The following LPP variants were observed in gnomAD, a reference collection of about 807,000 sequenced individuals.
LPP encodes lipoma-preferred partner.
A neutral mutation model predicts 60.4 loss-of-function variants in LPP; 38 were observed. The observed-to-expected ratio is 0.63, with a 90% CI of 0.49 to 0.83. The LOEUF is 0.83. LPP is among the 40% of genes least tolerant of loss of function. The pLI is 0.00. For missense variants in LPP, 902 were observed against 783.6 expected, an observed-to-expected ratio of 1.15 and a Z score of -1.80; for synonymous variants, 328 against 290.8, an observed-to-expected ratio of 1.13 and a Z score of -1.30.
intron 7 of LPP, among the ~76,000 whole-genome samples, chr3:188,652,780 A>G (rs1852361018): frequency 1.3e-5 from 2 of 152,126 alleles, no homozygotes; most frequent in African/African-American, 4.8e-5. Context: ...GAAAAGAGGT[A>G]TCCCAAGTCC....
intron 8 of LPP, among the ~76,000 whole-genome samples, chr3:188,752,118 T>A (rs2150332580): frequency 6.6e-6 from 1 of 152,342 alleles, no homozygotes; most frequent in African/African-American, 2.4e-5. Context: ...GTAGGTCTCA[T>A]GCTGGACACC....
chr3:188,735,016 A>C (rs191824663), intron 8 of LPP, among the ~76,000 whole-genome samples: 5 of 152,322 alleles, frequency 3.3e-5, no homozygotes, highest in Admixed American at 3.3e-4. Flanking sequence ...TGGAGTATTC[A>C]CGTCGTTGTT....
Position 188,485,982 on chromosome 3 carries a change from A to C in LPP, c.306+1278A>C, listed in dbSNP as rs370265831. Among the ~76,000 whole-genome samples the C allele has an allele frequency of 2.0e-5, 3 of 152,196 alleles. No homozygotes were observed. The East Asian group carries it at 5.8e-4, about 29-fold the overall frequency. ...AAATACCTAATATCATTTGTGGAAC[A>C]TAAAATATATTGAATTATTGCTCAT... On this transcript the variant is annotated intron_variant, in intron 5 of 11. Coordinates refer to ENST00000617246, the MANE Select transcript of LPP (RefSeq NM_001375462.1).
chr3:188,502,934 G>GT (rs749121831), intron 5 of LPP, among the ~76,000 whole-genome samples: 2 of 151,978 alleles, frequency 1.3e-5, no homozygotes, highest in African/African-American at 2.4e-5. Flanking sequence ...TAATGAATGT[G>GT]TATCACTTTT....
rs1319936162 is a variant in LPP at position 188,217,455 on chromosome 3, G to A, written c.-189-7950G>A. On this transcript the variant is annotated intron_variant, in intron 1 of 11. Transcript: ENST00000617246. This position sits in a 1 kb window ranked among gnomAD's most constrained non-coding sequence, Gnocchi z 4.0. The stretch of plus-strand genomic sequence containing the variant: ...TTAGACCTGAGTCCAGATGTGATGG[G>A]TTATGTGTTACAGGCATCTTTCCAG... 6.6e-6 allele frequency among the ~76,000 whole-genome samples: 1 copy of A among 152,162 alleles called. No individual in the cohort carries two copies. Among genetic ancestry groups the A allele is most frequent in the Non-Finnish European group, 1.5e-5 (1 of 68,040 alleles).
At chr3:188,200,359 C>T (rs943881349) in intron 1 of LPP, among the ~76,000 whole-genome samples, 1 of 151,782 alleles carries the variant, frequency 6.6e-6, no homozygotes, top group African/African-American at 2.4e-5. Context: ...AAGAGATTCT[C>T]CTGTCTCAGC....
intron 4 of LPP, among the ~76,000 whole-genome samples, chr3:188,464,040 A>C (rs1230362898): frequency 6.6e-6 from 1 of 152,218 alleles, no homozygotes; most frequent in Non-Finnish European, 1.5e-5. Flanking sequence ...TTTTGAAAGA[A>C]AGTAAAACCT....
At chr3:188,723,824 A>G (rs1407907562) in intron 8 of LPP, among the ~76,000 whole-genome samples, 1 of 151,960 alleles carries the variant, frequency 6.6e-6, no homozygotes, top group Non-Finnish European at 1.5e-5. Flanking sequence ...TTGATTCATA[A>G]CTCTTATGAT....
intron 6 of LPP, among the ~76,000 whole-genome samples, chr3:188,599,751 G>GGGGTGTGTGTGTGTGT (rs374294307): frequency 1.4e-4 from 19 of 139,822 alleles, no homozygotes; most frequent in South Asian, 9.5e-4. Context: ...ACTCGTTAGG[G>GGGGTGTGTGTGTGTGT]GTGTGTGTGT....
intron 2 of LPP, among the ~76,000 whole-genome samples, chr3:188,280,168 A>T (rs1741414851): frequency 6.6e-6 from 1 of 152,086 alleles, no homozygotes. Flanking sequence ...TGGGCTCTGG[A>T]AGAGGGAGTC....
intron 8 of LPP, among the ~76,000 whole-genome samples, chr3:188,722,619 T>C (rs1316420920): frequency 6.6e-6 from 1 of 152,218 alleles, no homozygotes; most frequent in Non-Finnish European, 1.5e-5. Context: ...AGAACTAACA[T>C]ATCCATGGAC....
At chr3:188,819,771 G>A (rs1753469303) in intron 9 of LPP, among the ~76,000 whole-genome samples, 1 of 152,150 alleles carries the variant, frequency 6.6e-6, no homozygotes, top group African/African-American at 2.4e-5. Context: ...AAGGAACTAA[G>A]ACATAAAAGT....
At chr3:188,661,507 G>A (rs1286594155) in intron 7 of LPP, among the ~76,000 whole-genome samples, 2 of 152,196 alleles carry the variant, frequency 1.3e-5, no homozygotes, top group Non-Finnish European at 2.9e-5. Context: ...GAATTTTATT[G>A]TCAGTATCAG....
At chr3:188,298,720 A>G (rs1416658218) in intron 2 of LPP, among the ~76,000 whole-genome samples, 2 of 152,344 alleles carry the variant, frequency 1.3e-5, no homozygotes, top group East Asian at 3.9e-4. Context: ...AAGGTCACAA[A>G]AAGGGTGTGG....
chr3:188,812,394 G>A (rs1751247697), intron 9 of LPP, among the ~76,000 whole-genome samples: 1 of 152,078 alleles, frequency 6.6e-6, no homozygotes, highest in Admixed American at 6.6e-5. Context: ...TTCCACAATG[G>A]TAGCAGTGGT....
At chr3:188,872,501 C>A in intron 10 of LPP, 142 bp from the exon 11 acceptor site, 2 of 834,900 alleles carry the variant, frequency 2.4e-6, no homozygotes, top group Non-Finnish European at 3.9e-6. Context: ...AGAACCTCCA[C>A]AGTCCCTGAG....
intron 8 of LPP, among the ~76,000 whole-genome samples, chr3:188,732,864 T>C (rs1367268823): frequency 1.3e-5 from 2 of 152,140 alleles, no homozygotes; most frequent in Non-Finnish European, 2.9e-5. Context: ...ATAATACCAG[T>C]GAAAATGCTC....
chr3:188,819,496 C>T (rs1442842254), intron 9 of LPP, among the ~76,000 whole-genome samples: 2 of 152,030 alleles, frequency 1.3e-5, no homozygotes, highest in Non-Finnish European at 2.9e-5. Context: ...AAAAATGTAG[C>T]TTTCAAAAAA....
intron 4 of LPP, among the ~76,000 whole-genome samples, chr3:188,452,471 A>C (rs1183351255): frequency 2.0e-5 from 3 of 152,188 alleles, no homozygotes; most frequent in African/African-American, 7.2e-5. Context: ...GATGCTTCAC[A>C]ATTCCTTAAG....
Sources: allele counts gnomAD v4.1 joint callset (sites outside exome capture counted in the v4.1 genomes callset), GRCh38; gene constraint gnomAD v4.1.1; non-coding constraint Gnocchi (gnomAD v3.1); transcripts MANE v1.5; gene names NCBI Gene and HGNC (gene_info 2026-07-23, HGNC 2026-07-21).